The following PTPRT variants were observed in gnomAD, a reference collection of about 807,000 sequenced individuals.
The protein encoded by PTPRT is protein tyrosine phosphatase receptor type T.
A neutral mutation model predicts 176.8 loss-of-function variants in PTPRT; 56 were observed. That is an observed-to-expected ratio of 0.32 (90% CI 0.26 to 0.40). The LOEUF is 0.40. PTPRT is among the 10% of genes least tolerant of loss of function. The probability of loss-of-function intolerance (pLI) is 1.00; values close to 1 mark genes in which losing one functional copy is unlikely to be tolerated. For missense variants in PTPRT, 1,540 were observed against 1,908.2 expected (o/e 0.81, Z 3.60); for synonymous variants, 783 against 739.0 (o/e 1.06, Z -0.96).
Position 42,361,779 on chromosome 20 carries a change from G to C in PTPRT, c.1561-9494C>G, listed in dbSNP as rs531701146. 1.5e-3 allele frequency among the ~76,000 whole-genome samples: 227 copies of C among 152,244 alleles called. 1 individual carries two copies. Among genetic ancestry groups the C allele is most frequent in the South Asian group, 0.013 (64 of 4,820 alleles). On this transcript the variant is annotated intron_variant, in intron 9 of 30. Transcript: ENST00000373187. ...CTCAGCTGGGACCCTAGACATTGTG[G>C]AGCTGAAGCAAATCATCCCTGCCCT...
intron 7 of PTPRT, among the ~76,000 whole-genome samples, chr20:42,643,868 T>C (rs909011081): frequency 2.0e-5 from 3 of 152,048 alleles, no homozygotes; most frequent in Admixed American, 2.0e-4. Context: ...AGGCCAGGCA[T>C]CATGAATCAA....
chr20:42,226,702 C>A (rs978455147), intron 15 of PTPRT, among the ~76,000 whole-genome samples: 2 of 152,098 alleles, frequency 1.3e-5, no homozygotes, highest in Admixed American at 1.3e-4. Flanking sequence ...GGAAGTAAAC[C>A]CAATCCTGCC....
intron 7 of PTPRT, among the ~76,000 whole-genome samples, chr20:42,636,563 T>C (rs1384968241): frequency 6.6e-6 from 1 of 151,952 alleles, no homozygotes; most frequent in Admixed American, 6.6e-5. Context: ...GGTGGGGGCA[T>C]CACTTGAGAT....
At position 42,104,608 on chromosome 20, in the gene PTPRT, G is replaced by T. The variant is rs757592521; in HGVS notation, c.3501C>A (p.Asp1167Glu). The T allele has an allele frequency of 2.0e-5, 33 of 1,612,578 alleles. No individual in the cohort carries two copies. The Admixed American group carries it at 4.3e-4, about 21-fold the overall frequency. ...TGATTTGGCTGGAGTTTGTCTGGGG[G>T]TCCAGCCTGCTGATATTGTAGTAGA... The part of the protein sequence containing the change: ...RSLYYNISRL[D>E]PQTNSSQIKD... Residue 1167 changes from aspartate (D) to glutamate (E), a missense_variant, in exon 25 of 31, where the codon GAC becomes GAA. Physicochemically the swap from Asp to Glu is conservative, Grantham distance 45. Transcript: ENST00000373187.
the PTPRT span, among the ~76,000 whole-genome samples, chr20:42,055,879 T>C: frequency 4.9e-4 from 74 of 152,272 alleles, no homozygotes; most frequent in African/African-American, 1.7e-3. Flanking sequence ...AGGAGTGTAA[T>C]TTCTGGGGAG....
intron 5 of PTPRT, among the ~76,000 whole-genome samples, chr20:42,760,365 CTG>C (rs1324382579): frequency 7.5e-6 from 1 of 132,774 alleles, no homozygotes; most frequent in Non-Finnish European, 1.6e-5. Flanking sequence ...TTCTGGCAGT[CTG>C]TTTCTAAATC....
At chr20:42,175,957 T>C (rs1275186223) in intron 16 of PTPRT, among the ~76,000 whole-genome samples, 2 of 152,154 alleles carry the variant, frequency 1.3e-5, no homozygotes, top group Non-Finnish European at 2.9e-5. Context: ...CATCTGAGGG[T>C]CCCATGTTAT....
At chr20:42,053,335 C>T in the PTPRT span, among the ~76,000 whole-genome samples, 1 of 152,148 alleles carries the variant, frequency 6.6e-6, no homozygotes, top group African/African-American at 2.4e-5. Flanking sequence ...ACAATGACAA[C>T]ACAATTGGAG....
At chr20:42,263,855 T>G (rs1568720817) in intron 13 of PTPRT, among the ~76,000 whole-genome samples, 1 of 151,984 alleles carries the variant, frequency 6.6e-6, no homozygotes, top group Non-Finnish European at 1.5e-5. Context: ...AGATGATCAC[T>G]CTGGCTTCAG....
intron 6 of PTPRT, among the ~76,000 whole-genome samples, chr20:42,753,302 A>G (rs866228433): frequency 6.6e-6 from 1 of 152,188 alleles, no homozygotes; most frequent in South Asian, 2.1e-4. Context: ...ATGAGTTAAA[A>G]TAAAACCAAT....
chr20:42,616,268 G>C (rs1316735893), intron 7 of PTPRT, among the ~76,000 whole-genome samples: 1 of 122,944 alleles, frequency 8.1e-6, no homozygotes, highest in African/African-American at 3.9e-5. Context: ...CGTTATTTCT[G>C]AGGGCTCTGT....
intron 1 of PTPRT, among the ~76,000 whole-genome samples, chr20:43,175,472 A>C (rs1301360360): frequency 2.0e-5 from 3 of 152,270 alleles, no homozygotes; most frequent in Non-Finnish European, 2.9e-5. Context: ...ATAAATCTTA[A>C]ATTTCAAGAA....
chr20:42,646,285 C>A (rs867704554), intron 7 of PTPRT, among the ~76,000 whole-genome samples: 16 of 152,202 alleles, frequency 1.1e-4, no homozygotes, highest in Non-Finnish European at 1.9e-4. Context: ...GAAGGGGCAA[C>A]TCTTCAGTGT....
chr20:42,163,102 C>A (rs6102701), intron 16 of PTPRT, among the ~76,000 whole-genome samples: 3,180 of 152,270 alleles, frequency 0.021, 107 homozygotes, highest in African/African-American at 0.072. Flanking sequence ...AAATTTTTCA[C>A]TTTGCAGCCT....
At chr20:42,558,811 C>A (rs1419736032) in intron 7 of PTPRT, among the ~76,000 whole-genome samples, 1 of 152,154 alleles carries the variant, frequency 6.6e-6, no homozygotes, top group Non-Finnish European at 1.5e-5. Context: ...TTGCTCCATG[C>A]CAGCTTGTGG....
In PTPRT at chr20:42,110,576, G is replaced by T. The variant is rs1986919760; in HGVS notation, c.3100-89C>A. ...GTGGAGCCATAGCTGCTGCACTGAG[G>T]AACCTCCCGCAGGGACAGGGCCCTC... On this transcript the variant is annotated intron_variant, in intron 22 of 30. Coordinates refer to ENST00000373187, the MANE Select transcript of PTPRT (RefSeq NM_007050.6). 9 of 1,402,370 alleles carry T rather than the reference G, an allele frequency of 6.4e-6. No individual in the cohort carries two copies. In the Admixed American group the frequency reaches 2.1e-4, roughly 32 times the overall value. The allele number at this position is 1,402,370 out of a possible 1,614,324, so 86.9% of individuals were successfully genotyped here. A position where few individuals can be genotyped will look rare whatever the true frequency, so the allele number is the denominator to read the frequency against.
chr20:42,196,786 C>T (rs1039453251), intron 16 of PTPRT, among the ~76,000 whole-genome samples: 1 of 152,160 alleles, frequency 6.6e-6, no homozygotes, highest in African/African-American at 2.4e-5. Flanking sequence ...GTTAGGCAAA[C>T]CGCAAATTTG....
At chr20:42,791,143 G>T in intron 3 of PTPRT, 52 bp downstream of exon 3, 1 of 1,528,582 alleles carries the variant, frequency 6.5e-7, no homozygotes, top group Non-Finnish European at 8.8e-7. Context: ...GAGCAAAGGT[G>T]TATAGATTTA....
At chr20:42,396,869 T>C (rs1019033585) in intron 9 of PTPRT, among the ~76,000 whole-genome samples, 3 of 152,212 alleles carry the variant, frequency 2.0e-5, no homozygotes, top group Non-Finnish European at 4.4e-5. Context: ...CTTTGCACTT[T>C]CTGTTCTCAC....
Sources: allele counts gnomAD v4.1 joint callset (sites outside exome capture counted in the v4.1 genomes callset), GRCh38; gene constraint gnomAD v4.1.1; transcripts MANE v1.5; gene names NCBI Gene and HGNC (gene_info 2026-07-23, HGNC 2026-07-21).